Variants in RGS5 observed in about 807,000 individuals in gnomAD.
RGS5 encodes the protein regulator of G-protein signalling 5.
Under a neutral mutation model 18.9 loss-of-function variants are expected in RGS5, and 20 were observed. That is an observed-to-expected ratio of 1.06 (90% CI 0.74 to 1.54). The LOEUF (loss-of-function observed/expected upper bound fraction) is 1.54. RGS5 is among the 40% of genes most tolerant of loss of function. The probability of loss-of-function intolerance (pLI) is 0.00; values close to 1 mark genes in which losing one functional copy is unlikely to be tolerated. For missense variants in RGS5, 201 were observed against 211.8 expected (o/e 0.95, Z 0.32); for synonymous variants, 57 against 76.2 (o/e 0.75, Z 1.31).
intron 2 of RGS5, among the ~76,000 whole-genome samples, chr1:163,301,319 G>A (rs751114794): frequency 3.4e-5 from 5 of 148,704 alleles, no homozygotes; most frequent in African/African-American, 4.9e-5. Context: ...AATCAGAAAC[G>A]GGCAATTATC....
chr1:163,148,474 A>G (rs747715020), intron 4 of RGS5, among the ~76,000 whole-genome samples: 1 of 152,162 alleles, frequency 6.6e-6, no homozygotes, highest in Non-Finnish European at 1.5e-5. Context: ...GCACGGATGA[A>G]CTCATTTAAT....
chr1:163,298,377 G>A (rs1533027), intron 2 of RGS5, among the ~76,000 whole-genome samples: 35,989 of 151,998 alleles, frequency 0.24, 5,591 homozygotes, highest in East Asian at 0.66. Context: ...CAGTTTAGTA[G>A]GAGAAAAGCT....
chr1:163,284,956 T>C (rs1006965637), intron 2 of RGS5, among the ~76,000 whole-genome samples: 3 of 152,080 alleles, frequency 2.0e-5, no homozygotes, highest in Non-Finnish European at 4.4e-5. Flanking sequence ...GACTCACAGT[T>C]CCACGTGCCT....
At chr1:163,203,064 A>G (rs983603047), upstream of RGS5, 9 of 513,080 alleles carry the variant, frequency 1.8e-5, no homozygotes, top group Admixed American at 9.7e-5. Flanking sequence ...TTTCTCTGCT[A>G]CAGGCACTAC....
intron 2 of RGS5, among the ~76,000 whole-genome samples, chr1:163,303,891 T>C (rs1649628916): frequency 6.6e-6 from 1 of 152,198 alleles, no homozygotes; most frequent in South Asian, 2.1e-4. Context: ...AATTAATGCC[T>C]GATGATCTGA....
intron 2 of RGS5, among the ~76,000 whole-genome samples, chr1:163,275,609 T>A (rs1383212021): frequency 6.6e-6 from 1 of 152,228 alleles, no homozygotes; most frequent in African/African-American, 2.4e-5. Flanking sequence ...AGACTAAATG[T>A]TATTCAGTTT....
At chr1:163,172,692 T>A (rs1658359082) in intron 1 of RGS5, 1 of 1,314,708 alleles carries the variant, frequency 7.6e-7, no homozygotes, top group African/African-American at 1.5e-5. Context: ...TAGAGCATTA[T>A]AAAGTTAAGA....
chr1:163,163,066 A>T (rs1657879220), intron 2 of RGS5, among the ~76,000 whole-genome samples: 1 of 150,226 alleles, frequency 6.7e-6, no homozygotes, highest in African/African-American at 2.5e-5. Context: ...AATTATTCAG[A>T]TTTGCAGCTT....
At chr1:163,170,929 C>T (rs766398598) in intron 1 of RGS5, among the ~76,000 whole-genome samples, 3 of 152,044 alleles carry the variant, frequency 2.0e-5, no homozygotes, top group Admixed American at 1.3e-4. Context: ...AGTTCTTTTG[C>T]CTAGAAATTT....
intron 2 of RGS5, among the ~76,000 whole-genome samples, chr1:163,246,327 T>C (rs1196262177): frequency 6.6e-6 from 1 of 151,708 alleles, no homozygotes; most frequent in East Asian, 1.9e-4. Context: ...TCCCAGCACT[T>C]TGGGAGGCTG....
At chr1:163,168,188 A>T in intron 2 of RGS5, 70 bp downstream of exon 2, 1 of 1,115,938 alleles carries the variant, frequency 9.0e-7, no homozygotes, top group South Asian at 1.3e-5. Flanking sequence ...ACAGATGAGG[A>T]ATGGTGCTAA....
chr1:163,255,863 CATG>C (rs899325328), intron 2 of RGS5, among the ~76,000 whole-genome samples: 10 of 152,150 alleles, frequency 6.6e-5, no homozygotes, highest in African/African-American at 2.2e-4. Flanking sequence ...ACAAAAACCA[CATG>C]ATATCTCAAT....
chr1:163,168,778 C>T (rs61810816), intron 1 of RGS5, among the ~76,000 whole-genome samples: 7,310 of 152,180 alleles, frequency 0.048, 298 homozygotes, highest in South Asian at 0.1. Flanking sequence ...CCAGGTAGAA[C>T]TCTGCATGCA....
At chr1:163,235,383 G>T (rs1310377404) in intron 2 of RGS5, among the ~76,000 whole-genome samples, 1 of 152,150 alleles carries the variant, frequency 6.6e-6, no homozygotes, top group African/African-American at 2.4e-5. Flanking sequence ...GATATTGGCT[G>T]CAAACACTCC....
At chr1:163,257,276 G>A (rs1384247238) in intron 2 of RGS5, among the ~76,000 whole-genome samples, 1 of 152,134 alleles carries the variant, frequency 6.6e-6, no homozygotes, top group African/African-American at 2.4e-5. Context: ...ACCCACAGGA[G>A]GGGGACCTGG....
At chr1:163,256,655 T>G (rs1171248908) in intron 2 of RGS5, among the ~76,000 whole-genome samples, 1 of 152,204 alleles carries the variant, frequency 6.6e-6, no homozygotes, top group East Asian at 1.9e-4. Flanking sequence ...AAAGATGCTT[T>G]TCTCCTAACC....
intron 2 of RGS5, among the ~76,000 whole-genome samples, chr1:163,238,255 C>T (rs1410362629): frequency 6.6e-6 from 1 of 152,142 alleles, no homozygotes; most frequent in Non-Finnish European, 1.5e-5. Flanking sequence ...ATAACAGGAA[C>T]TGCAAATAAC....
intron 1 of RGS5, among the ~76,000 whole-genome samples, chr1:163,169,236 C>A (rs1293974150): frequency 6.6e-6 from 1 of 151,982 alleles, no homozygotes; most frequent in East Asian, 1.9e-4. Context: ...TGTATATGTG[C>A]CACATTTTCT....
In RGS5 at chr1:163,250,820, T is replaced by C. The variant is rs116622565; in HGVS notation, c.-281+55413A>G. On this transcript the variant is annotated intron_variant, in intron 2 of 5. Transcript: ENST00000618415. The stretch of plus-strand genomic sequence containing the variant: ...TCTAGGGTTGTCTGAGCAGTTGGAA[T>C]TTATGATCTATAAAACTCCATCCAT... Among the ~76,000 whole-genome samples, 850 of 152,300 alleles carry C rather than the reference T, an allele frequency of 5.6e-3. 10 individuals are homozygous for C. Among genetic ancestry groups the C allele is most frequent in the African/African-American group, 0.02 (812 of 41,556 alleles).
Sources: gnomAD v4.1 joint callset for allele counts (sites outside exome capture counted in the v4.1 genomes callset) on GRCh38, gnomAD v4.1.1 for gene constraint, MANE v1.5 for transcripts, NCBI Gene and HGNC (gene_info 2026-07-23, HGNC 2026-07-21) for gene names.